CCSER1: variants seen among roughly 807,000 people sequenced by gnomAD.
CCSER1 encodes serine-rich coiled-coil domain-containing protein 1.
Under a neutral mutation model 82.0 loss-of-function variants are expected in CCSER1, and 41 were observed. That is an observed-to-expected ratio of 0.50 (90% CI 0.39 to 0.65). The LOEUF is 0.65. Among genes scored for constraint, CCSER1 ranks in the 30% least tolerant of loss-of-function variants. The pLI, the probability that CCSER1 is intolerant of heterozygous loss-of-function variation, is 0.00. For missense variants in CCSER1, 1,119 were observed against 1,064.2 expected, an observed-to-expected ratio of 1.05 and a Z score of -0.72; for synonymous variants, 414 against 383.9, an observed-to-expected ratio of 1.08 and a Z score of -0.92.
intron 8 of CCSER1, among the ~76,000 whole-genome samples, chr4:90,896,138 T>A (rs1336835984): frequency 6.6e-6 from 1 of 151,900 alleles, no homozygotes; most frequent in Non-Finnish European, 1.5e-5. Context: ...AAGCTAAGTA[T>A]CCAGGATGAC....
intron 10 of CCSER1, among the ~76,000 whole-genome samples, chr4:91,489,238 T>A (rs1758380379): frequency 6.6e-6 from 1 of 152,056 alleles, no homozygotes; most frequent in African/African-American, 2.4e-5. Context: ...GGTATTGGGG[T>A]AGAATATGAG....
At chr4:90,333,591 C>T (rs1476604994) in intron 3 of CCSER1, among the ~76,000 whole-genome samples, 2 of 152,192 alleles carry the variant, frequency 1.3e-5, no homozygotes, top group Admixed American at 6.5e-5. Context: ...TCCAGCAATG[C>T]AGTTTAAGTG....
chr4:91,248,866 T>C (rs913272573), intron 10 of CCSER1, among the ~76,000 whole-genome samples: 1 of 152,176 alleles, frequency 6.6e-6, no homozygotes, highest in Non-Finnish European at 1.5e-5. Flanking sequence ...GATTCTATAC[T>C]ACCTTTACAA....
intron 10 of CCSER1, among the ~76,000 whole-genome samples, chr4:91,296,537 TAAC>T (rs1341183494): frequency 4.1e-5 from 6 of 146,178 alleles, no homozygotes; most frequent in African/African-American, 1.0e-4. Context: ...GATATAAAAA[TAAC>T]AATATAACTA....
chr4:90,147,315 A>G (rs1448540872), intron 1 of CCSER1, among the ~76,000 whole-genome samples: 1 of 152,160 alleles, frequency 6.6e-6, no homozygotes, highest in Non-Finnish European at 1.5e-5. Flanking sequence ...GACACAGAAA[A>G]CTCATTAACT....
At chr4:90,253,665 T>C (rs948684398) in intron 1 of CCSER1, among the ~76,000 whole-genome samples, 1 of 152,186 alleles carries the variant, frequency 6.6e-6, no homozygotes, top group African/African-American at 2.4e-5. Context: ...TTAGTGACTT[T>C]GCTCAACAAC....
intron 1 of CCSER1, among the ~76,000 whole-genome samples, chr4:90,146,694 C>T (rs1196752757): frequency 6.6e-6 from 1 of 151,880 alleles, no homozygotes; most frequent in Non-Finnish European, 1.5e-5. Flanking sequence ...CATAAAATAC[C>T]TTAATAATTT....
intron 1 of CCSER1, among the ~76,000 whole-genome samples, chr4:90,219,739 A>G (rs1383125218): frequency 6.6e-6 from 1 of 152,184 alleles, no homozygotes; most frequent in East Asian, 1.9e-4. Flanking sequence ...GAGAAAGATT[A>G]TGATTGTACT....
chr4:91,367,434 CT>C lies in CCSER1; in HGVS notation c.2218-231124del, dbSNP rs70965489. ...GAGGAAGGGCTTTCTTGATTTCTTT[CT>C]TTTTTTTTTTTTTAACACACAGATG... On this transcript the variant is annotated intron_variant, in intron 10 of 10. Transcript: ENST00000509176. Among the ~76,000 whole-genome samples the C allele has an allele frequency of 8.2e-3, 1,166 of 141,686 alleles. 22 individuals are homozygous for C. Among genetic ancestry groups the C allele is most frequent in the African/African-American group, 0.026 (1,000 of 38,112 alleles). The allele number at this position is 141,686 out of a possible 152,430, so 93.0% of individuals were successfully genotyped here.
intron 10 of CCSER1, among the ~76,000 whole-genome samples, chr4:91,334,642 A>G (rs1248882442): frequency 2.6e-5 from 4 of 152,018 alleles, no homozygotes; most frequent in Non-Finnish European, 4.4e-5. Flanking sequence ...AGAAATCTAA[A>G]TATGTATGCA....
intron 10 of CCSER1, among the ~76,000 whole-genome samples, chr4:91,323,994 A>G (rs1746374561): frequency 6.6e-6 from 1 of 152,218 alleles, no homozygotes; most frequent in Admixed American, 6.5e-5. Flanking sequence ...AACATTCTGA[A>G]GAAAGGCATG....
At position 91,446,692 on chromosome 4, in the gene CCSER1, T is replaced by TAA. The variant is rs1553938733; in HGVS notation, c.2218-151879_2218-151878dup. 4.4e-3 allele frequency among the ~76,000 whole-genome samples: 651 copies of TAA among 147,066 alleles called. 5 individuals carry two copies. Among genetic ancestry groups the TAA allele is most frequent in the African/African-American group, 0.015 (625 of 40,566 alleles). On this transcript the variant is annotated intron_variant, in intron 10 of 10. Coordinates refer to ENST00000509176, the MANE Select transcript of CCSER1 (RefSeq NM_001145065.2). The stretch of plus-strand genomic sequence containing the variant: ...AAATAAATAAATATATATATATATA[T>TAA]AATAGTCCTGCATCCTTTTTACTTG...
At chr4:91,186,815 G>T (rs1202678539) in intron 10 of CCSER1, among the ~76,000 whole-genome samples, 2 of 152,240 alleles carry the variant, frequency 1.3e-5, no homozygotes, top group African/African-American at 4.8e-5. Context: ...GGCACAGATT[G>T]CTCATGCTAT....
At chr4:91,490,689 G>A (rs1030994585) in intron 10 of CCSER1, among the ~76,000 whole-genome samples, 3 of 150,066 alleles carry the variant, frequency 2.0e-5, no homozygotes, top group Non-Finnish European at 4.4e-5. Flanking sequence ...CACAACAGTT[G>A]TGCTACACTT....
intron 1 of CCSER1, among the ~76,000 whole-genome samples, chr4:90,229,631 A>T (rs577000929): frequency 6.6e-6 from 1 of 152,172 alleles, no homozygotes; most frequent in Non-Finnish European, 1.5e-5. Flanking sequence ...TATTACCTTT[A>T]AATGTAACTG....
At chr4:90,976,882 C>T (rs1485093640) in intron 9 of CCSER1, among the ~76,000 whole-genome samples, 2 of 151,448 alleles carry the variant, frequency 1.3e-5, no homozygotes, top group African/African-American at 4.8e-5. Context: ...CATCCAAAAC[C>T]GTTTGCCATT....
At chr4:91,077,113 G>A (rs916648605) in intron 9 of CCSER1, among the ~76,000 whole-genome samples, 1 of 152,114 alleles carries the variant, frequency 6.6e-6, no homozygotes, top group Non-Finnish European at 1.5e-5. Flanking sequence ...AATTCCCAGG[G>A]GTCTCACAGG....
At chr4:91,496,855 AT>A (rs1758943685) in intron 10 of CCSER1, among the ~76,000 whole-genome samples, 4 of 124,648 alleles carry the variant, frequency 3.2e-5, no homozygotes, top group Non-Finnish European at 5.0e-5. Flanking sequence ...ATATATTCAA[AT>A]ATATATTGAA....
chr4:91,193,310 T>G (rs1350714520), intron 10 of CCSER1, among the ~76,000 whole-genome samples: 2 of 152,154 alleles, frequency 1.3e-5, no homozygotes, highest in Non-Finnish European at 2.9e-5. Flanking sequence ...CTCCTTAAAA[T>G]GTTGGAAGTA....
Sources: allele counts gnomAD v4.1 joint callset (sites outside exome capture counted in the v4.1 genomes callset), GRCh38; gene constraint gnomAD v4.1.1; transcripts MANE v1.5; gene names NCBI Gene and HGNC (gene_info 2026-07-23, HGNC 2026-07-21).